Variants in ITGBL1 observed in about 807,000 individuals in gnomAD.
ITGBL1 encodes integrin beta-like protein 1.
A neutral mutation model predicts 68.5 loss-of-function variants in ITGBL1; 51 were observed. The observed-to-expected ratio is 0.74, with a 90% CI of 0.59 to 0.94. The LOEUF (loss-of-function observed/expected upper bound fraction) is 0.94, where lower values mean the gene tolerates loss of function less well. Ranked by LOEUF, ITGBL1 falls within the 40% of genes least tolerant of loss-of-function variation. ITGBL1 has a pLI of 0.00. For missense variants in ITGBL1, 649 were observed against 647.4 expected, an observed-to-expected ratio of 1.00 and a Z score of -0.03; for synonymous variants, 209 against 227.3, an observed-to-expected ratio of 0.92 and a Z score of 0.72.
In ITGBL1 at chr13:101,699,390, C is replaced by T. The variant is rs533355815; in HGVS notation, c.1132+6689C>T. 8.4e-4 allele frequency among the ~76,000 whole-genome samples: 128 copies of T among 152,254 alleles called. 1 individual carries two copies. The highest frequency in any genetic ancestry group is 2.9e-3 in the African/African-American group (120 of 41,554). On this transcript the variant is annotated intron_variant, in intron 8 of 10. Coordinates refer to ENST00000376180, the MANE Select transcript of ITGBL1 (RefSeq NM_004791.3). ...TTGTTATGGTTTGGCTGTGTCCCCA[C>T]GCAAATTTCATCTTGAATTGTAGTT...
chr13:101,626,197 A>AATC (rs2031771336), intron 7 of ITGBL1, among the ~76,000 whole-genome samples: 1 of 49,910 alleles, frequency 2.0e-5, no homozygotes, highest in East Asian at 8.0e-4. Context: ...GGTGATTTGT[A>AATC]GTCTTCATAG....
intron 2 of ITGBL1, among the ~76,000 whole-genome samples, chr13:101,525,202 G>A (rs1212478656): frequency 6.6e-6 from 1 of 151,970 alleles, no homozygotes; most frequent in East Asian, 1.9e-4. Context: ...TAAAATAATT[G>A]TATAGAAAAA....
intron 7 of ITGBL1, among the ~76,000 whole-genome samples, chr13:101,613,923 C>T (rs2031243179): frequency 6.6e-6 from 1 of 151,966 alleles, no homozygotes; most frequent in East Asian, 1.9e-4. Flanking sequence ...TTAGTTTTTG[C>T]CCTACTTCCC....
chr13:101,708,797 A>G (rs1011641368), intron 9 of ITGBL1, among the ~76,000 whole-genome samples: 3 of 152,196 alleles, frequency 2.0e-5, no homozygotes, highest in African/African-American at 7.2e-5. Context: ...TGTATTTACA[A>G]TGCTCAGGCA....
chr13:101,484,203 G>A (rs2048668840), intron 2 of ITGBL1, among the ~76,000 whole-genome samples: 1 of 151,612 alleles, frequency 6.6e-6, no homozygotes, highest in African/African-American at 2.4e-5. Context: ...TTTTATTTTT[G>A]TGGTTAAAAG....
intron 2 of ITGBL1, among the ~76,000 whole-genome samples, chr13:101,527,781 G>GTT (rs772296268): frequency 1.5e-4 from 23 of 151,810 alleles, no homozygotes; most frequent in Non-Finnish European, 3.2e-4. Context: ...TGATAAGTAT[G>GTT]TTTTGAATAT....
intron 2 of ITGBL1, among the ~76,000 whole-genome samples, chr13:101,525,668 A>C (rs1008371290): frequency 2.6e-5 from 4 of 152,076 alleles, no homozygotes; most frequent in Non-Finnish European, 5.9e-5. Context: ...AAATACTTGC[A>C]ATCAGTGATG....
At chr13:101,482,978 A>C (rs2048647955) in intron 2 of ITGBL1, among the ~76,000 whole-genome samples, 1 of 152,196 alleles carries the variant, frequency 6.6e-6, no homozygotes, top group Admixed American at 6.5e-5. Context: ...CAAGTCCTCC[A>C]GCTTCCGATG....
chr13:101,534,082 A>G (rs2049528784), intron 2 of ITGBL1, among the ~76,000 whole-genome samples: 1 of 152,198 alleles, frequency 6.6e-6, no homozygotes, highest in African/African-American at 2.4e-5. Flanking sequence ...GGCCAACAGC[A>G]TCATAATCAG....
At chr13:101,658,844 C>T (rs990474583) in intron 7 of ITGBL1, among the ~76,000 whole-genome samples, 15 of 151,758 alleles carry the variant, frequency 9.9e-5, no homozygotes, top group South Asian at 2.1e-4. Flanking sequence ...CCCTCACTAC[C>T]GTCTATTGAA....
chr13:101,592,183 G>A (rs1393523027), intron 6 of ITGBL1, among the ~76,000 whole-genome samples: 11 of 152,034 alleles, frequency 7.2e-5, no homozygotes, highest in Non-Finnish European at 1.5e-5. Flanking sequence ...GTATATTCAT[G>A]TGTTGAAAAA....
At chr13:101,678,862 C>T (rs765647736) in intron 7 of ITGBL1, among the ~76,000 whole-genome samples, 1 of 152,020 alleles carries the variant, frequency 6.6e-6, no homozygotes, top group African/African-American at 2.4e-5. Context: ...CCTGATTCTA[C>T]CCTACTCCTT....
intron 3 of ITGBL1, among the ~76,000 whole-genome samples, chr13:101,572,315 TGAAGGGCA>T (rs2050286498): frequency 6.6e-6 from 1 of 152,022 alleles, no homozygotes. Flanking sequence ...GGAATGAGAC[TGAAGGGCA>T]GAATGAGGCA....
intron 7 of ITGBL1, among the ~76,000 whole-genome samples, chr13:101,605,106 A>G (rs556455359): frequency 1.6e-4 from 24 of 147,100 alleles, no homozygotes; most frequent in African/African-American, 4.7e-4. Context: ...ATGTGTATAT[A>G]TGTATATGTG....
chr13:101,494,420 A>C (rs934924176), intron 2 of ITGBL1, among the ~76,000 whole-genome samples: 3 of 152,234 alleles, frequency 2.0e-5, no homozygotes, highest in African/African-American at 7.2e-5. Flanking sequence ...AAGGGCTAAA[A>C]TATGATAATA....
intron 7 of ITGBL1, among the ~76,000 whole-genome samples, chr13:101,607,784 G>A (rs540570863): frequency 6.6e-6 from 1 of 152,134 alleles, no homozygotes; most frequent in South Asian, 2.1e-4. Flanking sequence ...TGCTGTTGGT[G>A]TTACAAACTT....
intron 2 of ITGBL1, among the ~76,000 whole-genome samples, chr13:101,474,829 T>C (rs2048512853): frequency 6.6e-6 from 1 of 152,184 alleles, no homozygotes; most frequent in African/African-American, 2.4e-5. Context: ...ACCAAGGAGA[T>C]ACCTTTACAA....
intron 8 of ITGBL1, among the ~76,000 whole-genome samples, chr13:101,704,142 G>T (rs2034199623): frequency 6.6e-6 from 1 of 152,098 alleles, no homozygotes; most frequent in Non-Finnish European, 1.5e-5. Flanking sequence ...CACCCTCCTT[G>T]GTGTCTGGTG....
chr13:101,706,619 C>G, intron 8 of ITGBL1, 137 bp from the exon 9 acceptor site: 1 of 801,970 alleles, frequency 1.2e-6, no homozygotes, highest in Non-Finnish European at 1.9e-6. Context: ...AATTACATGC[C>G]AAATTGACTA....
Sources: allele counts gnomAD v4.1 joint callset (sites outside exome capture counted in the v4.1 genomes callset), GRCh38; gene constraint gnomAD v4.1.1; transcripts MANE v1.5; gene names NCBI Gene and HGNC (gene_info 2026-07-23, HGNC 2026-07-21).